Variants in ROBO1 observed in about 807,000 individuals in gnomAD.
ROBO1 encodes the protein roundabout homolog 1.
In ROBO1, 149 loss-of-function variants were observed where a neutral mutation model predicts 195.9. The observed-to-expected ratio is 0.76, with a 90% CI of 0.67 to 0.87. ROBO1 has a LOEUF of 0.87. Among genes scored for constraint, ROBO1 ranks in the 40% least tolerant of loss-of-function variants. The probability of loss-of-function intolerance (pLI) is 0.00; values close to 1 mark genes in which losing one functional copy is unlikely to be tolerated. For synonymous variants in ROBO1, 816 were observed against 733.2 expected (o/e 1.11, Z -1.82); for missense variants, 1,933 against 2,068.3 (o/e 0.93, Z 1.27).
chr3:78,773,126 G>C (rs2108439206), intron 4 of ROBO1, among the ~76,000 whole-genome samples: 1 of 152,064 alleles, frequency 6.6e-6, no homozygotes, highest in East Asian at 1.9e-4. Context: ...TTAGGAAGTG[G>C]GTTAAGGATT....
chr3:79,584,329 T>C (rs1943753146), intron 2 of ROBO1, among the ~76,000 whole-genome samples: 1 of 149,994 alleles, frequency 6.7e-6, no homozygotes, highest in African/African-American at 2.4e-5. Context: ...TAAAGTACTG[T>C]TGAGCAGTTT....
At position 79,210,241 on chromosome 3, in the gene ROBO1, A is replaced by G. The variant is rs62259702; in HGVS notation, c.89-84702T>C. ...ATACTAAGCAAAAGAACAAATCTGG[A>G]AGCATCATATTACCTGACTTCAAAT... On this transcript the variant is annotated intron_variant, in intron 2 of 30. Coordinates refer to ENST00000464233, the MANE Select transcript of ROBO1 (RefSeq NM_002941.4). 6.0e-3 allele frequency among the ~76,000 whole-genome samples: 915 copies of G among 152,264 alleles called. 8 individuals carry two copies. The highest frequency in any genetic ancestry group is 9.0e-3 in the Non-Finnish European group (613 of 68,014).
intron 27 of ROBO1, among the ~76,000 whole-genome samples, chr3:78,615,705 T>C (rs75520718): frequency 0.013 from 1,998 of 152,308 alleles, 49 homozygotes; most frequent in African/African-American, 0.042. Context: ...ACAAGAAACT[T>C]CAAATGGACC....
chr3:79,226,062 AT>A (rs1427835698), intron 2 of ROBO1, among the ~76,000 whole-genome samples: 7 of 152,134 alleles, frequency 4.6e-5, no homozygotes, highest in African/African-American at 7.2e-5. Context: ...TAAGAAAACC[AT>A]TTTTTTAACC....
intron 19 of ROBO1, among the ~76,000 whole-genome samples, chr3:78,648,399 A>G (rs1401719199): frequency 6.6e-6 from 1 of 152,212 alleles, no homozygotes; most frequent in Admixed American, 6.5e-5. Context: ...AGTAGGCTGG[A>G]CATTCTTTTA....
chr3:79,365,158 T>G (rs2035922596), intron 2 of ROBO1, among the ~76,000 whole-genome samples: 1 of 152,202 alleles, frequency 6.6e-6, no homozygotes, highest in African/African-American at 2.4e-5. Flanking sequence ...CCCTCTATGC[T>G]TTACTCCTTT....
intron 4 of ROBO1, among the ~76,000 whole-genome samples, chr3:78,821,322 C>A (rs377121870): frequency 2.0e-5 from 3 of 151,798 alleles, no homozygotes; most frequent in African/African-American, 7.3e-5. Context: ...TGTACCACCA[C>A]GCCCGGCTAA....
intron 4 of ROBO1, among the ~76,000 whole-genome samples, chr3:78,765,562 C>T (rs2083209416): frequency 6.6e-6 from 1 of 152,114 alleles, no homozygotes; most frequent in Middle Eastern, 3.4e-3. Flanking sequence ...AGGAGATACA[C>T]TGCCCACAAA....
At chr3:79,701,103 T>G (rs576384650) in intron 1 of ROBO1, among the ~76,000 whole-genome samples, 25 of 151,884 alleles carry the variant, frequency 1.6e-4, no homozygotes, top group Non-Finnish European at 2.9e-4. Context: ...TTTTTTATTT[T>G]TGTCAACTTT....
chr3:79,151,707 A>T (rs957324789), intron 2 of ROBO1, among the ~76,000 whole-genome samples: 1 of 151,828 alleles, frequency 6.6e-6, no homozygotes, highest in South Asian at 2.1e-4. Context: ...TTACAGTACA[A>T]TTTGGGCCAG....
At chr3:78,814,086 G>T (rs929467914) in intron 4 of ROBO1, among the ~76,000 whole-genome samples, 1 of 151,936 alleles carries the variant, frequency 6.6e-6, no homozygotes, top group African/African-American at 2.4e-5. Context: ...AGGGTCCAGG[G>T]TGTCTTAGGT....
chr3:79,114,614 T>C (rs975725204), intron 3 of ROBO1, among the ~76,000 whole-genome samples: 1 of 152,166 alleles, frequency 6.6e-6, no homozygotes, highest in Non-Finnish European at 1.5e-5. Context: ...TTTCCATGGA[T>C]AAGAGATAAA....
At chr3:79,391,552 T>A (rs2036951195) in intron 2 of ROBO1, among the ~76,000 whole-genome samples, 1 of 152,042 alleles carries the variant, frequency 6.6e-6, no homozygotes, top group African/African-American at 2.4e-5. Context: ...CCCATCTCCA[T>A]CCCAACACTA....
At chr3:79,264,007 C>A (rs1169992722) in intron 2 of ROBO1, among the ~76,000 whole-genome samples, 1 of 152,056 alleles carries the variant, frequency 6.6e-6, no homozygotes, top group Non-Finnish European at 1.5e-5. Flanking sequence ...CATTCTTATA[C>A]CAGCTTTTGC....
At position 79,071,806 on chromosome 3, in the gene ROBO1, C is replaced by T. The variant is rs541813832; in HGVS notation, c.172+53650G>A. Reference sequence around the variant, plus strand: ...TGTATTCTCAGCAGCAGAGACTTTACGGCAGAGTATTTTTTTTTGGTAAAT... The same window carrying T: ...TGTATTCTCAGCAGCAGAGACTTTATGGCAGAGTATTTTTTTTTGGTAAAT... On this transcript the variant is annotated intron_variant, in intron 3 of 30. Coordinates refer to ENST00000464233, the MANE Select transcript of ROBO1 (RefSeq NM_002941.4). 8.3e-4 allele frequency among the ~76,000 whole-genome samples: 126 copies of T among 151,404 alleles called. No individual in the cohort carries two copies. In the Middle Eastern group the frequency reaches 0.01, roughly 12 times the overall value.
intron 2 of ROBO1, among the ~76,000 whole-genome samples, chr3:79,258,918 C>A (rs1166122607): frequency 2.0e-5 from 3 of 152,024 alleles, no homozygotes; most frequent in African/African-American, 7.2e-5. Flanking sequence ...CAGGGAAAAA[C>A]TCACTATAAC....
intron 18 of ROBO1, among the ~76,000 whole-genome samples, chr3:78,655,616 T>C (rs1706959387): frequency 6.6e-6 from 1 of 152,224 alleles, no homozygotes; most frequent in Non-Finnish European, 1.5e-5. Flanking sequence ...TCACATTGTC[T>C]AAACAATGGA....
chr3:79,207,498 C>T (rs2081891454), intron 2 of ROBO1, among the ~76,000 whole-genome samples: 1 of 152,138 alleles, frequency 6.6e-6, no homozygotes, highest in Admixed American at 6.6e-5. Flanking sequence ...TTAAATGACT[C>T]ACATTCTTTC....
intron 1 of ROBO1, among the ~76,000 whole-genome samples, chr3:79,591,069 T>C (rs1177658677): frequency 6.6e-6 from 1 of 151,724 alleles, no homozygotes; most frequent in African/African-American, 2.4e-5. Context: ...ACAATAGACT[T>C]GGCAGTACTT....
Sources: gnomAD v4.1 joint callset for allele counts (sites outside exome capture counted in the v4.1 genomes callset) on GRCh38, gnomAD v4.1.1 for gene constraint, MANE v1.5 for transcripts, NCBI Gene and HGNC (gene_info 2026-07-23, HGNC 2026-07-21) for gene names.